FHDC1: variants seen among roughly 807,000 people sequenced by gnomAD.
The protein encoded by FHDC1 is FH2 domain containing 1.
FHDC1 carries 25 observed loss-of-function variants against 52.6 expected under a neutral mutation model. The ratio of observed to expected loss-of-function variants is 0.48; its 90% CI spans 0.35 to 0.66. The LOEUF (loss-of-function observed/expected upper bound fraction) is 0.66, where lower values mean the gene tolerates loss of function less well. Ranked by LOEUF, FHDC1 falls within the 30% of genes least tolerant of loss-of-function variation. FHDC1 has a pLI of 0.01. For missense variants in FHDC1, 1,459 were observed against 1,452.8 expected (o/e 1.00, Z -0.07); for synonymous variants, 616 against 581.5 (o/e 1.06, Z -0.85).
chr4:152,959,216 T>C (rs1041285960), intron 4 of FHDC1, among the ~76,000 whole-genome samples: 3 of 152,240 alleles, frequency 2.0e-5, no homozygotes, highest in Admixed American at 6.5e-5. Context: ...AAGGTACTAC[T>C]TACCATAAAG....
At chr4:152,929,648 G>T in the FHDC1 span, among the ~76,000 whole-genome samples, 1 of 152,106 alleles carries the variant, frequency 6.6e-6, no homozygotes, top group East Asian at 1.9e-4. This position sits in a 1 kb window ranked among gnomAD's most constrained non-coding sequence, Gnocchi z 4.1. Flanking sequence ...ATGAGTTCCC[G>T]TGCAGTGGAG....
intron 2 of FHDC1, 28 bp from the exon 3 acceptor site, chr4:152,953,471 T>C (rs775462578): frequency 2.5e-6 from 4 of 1,577,100 alleles, no homozygotes; most frequent in Non-Finnish European, 3.5e-6. Context: ...AATTTAGTAA[T>C]CCTATGTGTC....
At position 152,976,662 on chromosome 4, in the gene FHDC1, TC is replaced by T; in HGVS notation, c.3373del (p.Arg1125ValfsTer36). 6.4e-7 allele frequency: 1 copy of T among 1,574,640 alleles called. No individual in the cohort carries two copies. The highest frequency in any genetic ancestry group is 8.6e-7 in the Non-Finnish European group (1 of 1,160,842). On this transcript the variant is annotated frameshift_variant, in exon 12 of 12. Transcript: ENST00000511601. LOFTEE classifies it low-confidence loss of function (END_TRUNC). ...AGAGGGGCTGGGGAAAGGGCCTCCC[TC>T]CGTCGGAAGGACTCCAGTCGGACCA... ...KARGAGERAS[L>X]RRKDSSRTTL...
upstream of FHDC1, among the ~76,000 whole-genome samples, chr4:152,931,935 T>TA (rs200667161): frequency 0.038 from 3,626 of 94,964 alleles, 196 homozygotes; most frequent in African/African-American, 0.052. Context: ...AGAACCTGTC[T>TA]AAAAAAAAAA....
intron 2 of FHDC1, among the ~76,000 whole-genome samples, chr4:152,946,928 T>A (rs1162397441): frequency 1.3e-5 from 2 of 151,968 alleles, no homozygotes; most frequent in Non-Finnish European, 2.9e-5. Context: ...GTTAGAACAT[T>A]TAGTACAGGG....
chr4:152,949,722 A>G (rs993436078), intron 2 of FHDC1, among the ~76,000 whole-genome samples: 2 of 152,218 alleles, frequency 1.3e-5, no homozygotes, highest in African/African-American at 4.8e-5. Context: ...TGACTGTTTC[A>G]GTGGGTATCA....
chr4:152,955,403 C>T (rs1740052236), intron 4 of FHDC1, among the ~76,000 whole-genome samples: 1 of 152,156 alleles, frequency 6.6e-6, no homozygotes, highest in Non-Finnish European at 1.5e-5. Flanking sequence ...TGAAAAATTT[C>T]AGTAAGAAAT....
Position 152,975,178 on chromosome 4 carries a change from C to T in FHDC1, c.1887C>T (p.Asn629=). 1.2e-6 allele frequency: 2 copies of T among 1,613,220 alleles called. No homozygotes were observed. ...AGCTTGCAGCCGCCCAGCCTGAGAA[C>T]CATGCCTCTGCCTTCCCCAGAGCTC... ...AHQLAAAQPE[N]HASAFPRARR... is the part of the protein sequence containing the mutation. Residue 629 remains asparagine, a synonymous_variant, in exon 12 of 12, where the codon AAC becomes AAT. Coordinates refer to ENST00000511601, the MANE Select transcript of FHDC1 (RefSeq NM_001371116.1).
intron 4 of FHDC1, among the ~76,000 whole-genome samples, chr4:152,958,113 T>C (rs184880836): frequency 9.2e-4 from 140 of 152,254 alleles, no homozygotes; most frequent in Admixed American, 2.9e-3. Flanking sequence ...TGGGTGGGTG[T>C]GTTTGTGGGA....
At chr4:152,915,421 T>A in the FHDC1 span, among the ~76,000 whole-genome samples, 1 of 152,226 alleles carries the variant, frequency 6.6e-6, no homozygotes, top group Non-Finnish European at 1.5e-5. Flanking sequence ...GGCTTCCTTG[T>A]ATAGTTCTTA....
chr4:152,975,036 C>A lies in FHDC1; in HGVS notation c.1745C>A (p.Thr582Lys). 1 of 1,612,550 alleles carries A rather than the reference C, an allele frequency of 6.2e-7. No individual in the cohort carries two copies. The highest frequency in any genetic ancestry group is 8.5e-7 in the Non-Finnish European group (1 of 1,179,782). ...AGCAGCCCCCGGCAGGCCCGGCCCACGATAGCCTGCCTGGAGCCTGCAGAA... is the reference window on the plus strand; with the variant it reads ...AGCAGCCCCCGGCAGGCCCGGCCCAAGATAGCCTGCCTGGAGCCTGCAGAA... ...PRSSPRQARP[T>K]IACLEPAEVR... Residue 582 changes from threonine (T) to lysine (K), a missense_variant, in exon 12 of 12, where the codon ACG becomes AAG. Thr to Lys is a moderately conservative substitution (Grantham distance 78). Coordinates refer to ENST00000511601, the MANE Select transcript of FHDC1 (RefSeq NM_001371116.1).
chr4:152,958,268 T>C (rs1160586095), intron 4 of FHDC1, among the ~76,000 whole-genome samples: 1 of 152,206 alleles, frequency 6.6e-6, no homozygotes, highest in African/African-American at 2.4e-5. Flanking sequence ...GTCTCTTGGC[T>C]CAGCCCACAA....
chr4:152,927,278 C>G, the FHDC1 span, among the ~76,000 whole-genome samples: 1 of 152,236 alleles, frequency 6.6e-6, no homozygotes, highest in African/African-American at 2.4e-5. Flanking sequence ...AAAGTAAGCT[C>G]AAGCTGGTAC....
At chr4:152,971,509 A>G (rs1252768555) in intron 10 of FHDC1, among the ~76,000 whole-genome samples, 1 of 152,188 alleles carries the variant, frequency 6.6e-6, no homozygotes, top group Non-Finnish European at 1.5e-5. Flanking sequence ...ACCCTTGGAC[A>G]TGGCAGATTC....
In FHDC1 at chr4:152,943,271, A is replaced by T. The variant is rs766619078; in HGVS notation, c.214A>T (p.Ile72Phe). 5 of 430,608 alleles carry T rather than the reference A, an allele frequency of 1.2e-5. No individual in the cohort carries two copies. The East Asian group carries it at 5.7e-4, about 49-fold the overall frequency. The allele number at this position is 430,608 out of a possible 1,614,324, so 26.7% of individuals were successfully genotyped here. Reference sequence around the variant, plus strand: ...ACCTCCACTTCCTGGGGAGCCTCCCATCCCACCTCCCCCACCAGGCCTACC... The same window carrying T: ...ACCTCCACTTCCTGGGGAGCCTCCCTTCCCACCTCCCCCACCAGGCCTACC... The part of the protein sequence containing the change: ...PPPPLPGEPP[I>F]PPPPPGLPPT... Residue 72 changes from isoleucine (I) to phenylalanine (F), a missense_variant, in exon 2 of 12, where the codon ATC (isoleucine) becomes TTC (phenylalanine). Ile to Phe is a conservative substitution (Grantham distance 21). This residue lies in a region of FHDC1 where 513 missense variants were observed against 581.5 expected (regional missense o/e 0.88). Coordinates refer to ENST00000511601, the MANE Select transcript of FHDC1 (RefSeq NM_001371116.1).
chr4:152,961,021 C>T (rs139509628), intron 6 of FHDC1, among the ~76,000 whole-genome samples, 177 bp downstream of exon 6: 1 of 152,330 alleles, frequency 6.6e-6, no homozygotes, highest in African/African-American at 2.4e-5. Context: ...CATTTTTCCC[C>T]TGTAATGAAT....
chr4:152,975,916 C>G lies in FHDC1; in HGVS notation c.2625C>G (p.Ser875=), dbSNP rs997098122. ...TGAAAGAGGCGTCTCCCGGGGCCTC[C>G]AAGCCCGGGAGCGCCCGGCGGAGCC... ...GSLKEASPGA[S]KPGSARRSQG... Residue 875 remains serine (S), a synonymous_variant, in exon 12 of 12, where the codon TCC becomes TCG. Coordinates refer to ENST00000511601, the MANE Select transcript of FHDC1 (RefSeq NM_001371116.1). 7.9e-6 allele frequency: 12 copies of G among 1,514,200 alleles called. No homozygotes were observed. In the African/African-American group the frequency reaches 1.5e-4, roughly 19 times the overall value. The allele number at this position is 1,514,200 out of a possible 1,614,324, so 93.8% of individuals were successfully genotyped here. A position where few individuals can be genotyped will look rare whatever the true frequency, so the allele number is the denominator to read the frequency against.
intron 9 of FHDC1, 107 bp downstream of exon 9, chr4:152,965,082 A>C: frequency 9.2e-7 from 1 of 1,091,998 alleles, no homozygotes; most frequent in South Asian, 1.6e-5. Context: ...GTTTTGTTTC[A>C]TTGAACTTTC....
At chr4:152,942,901 G>T (rs1158278872) in intron 1 of FHDC1, 27 bp from the exon 2 acceptor site, 3 of 746,696 alleles carry the variant, frequency 4.0e-6, no homozygotes, top group Non-Finnish European at 6.4e-6. Context: ...GTCTGTAACT[G>T]ATTTGATATT....
Sources: allele counts gnomAD v4.1 joint callset (sites outside exome capture counted in the v4.1 genomes callset), GRCh38; gene constraint gnomAD v4.1.1; regional missense constraint gnomAD v4.1.1; non-coding constraint Gnocchi (gnomAD v3.1); transcripts MANE v1.5; gene names NCBI Gene and HGNC (gene_info 2026-07-23, HGNC 2026-07-21).